The following PHF13 variants were observed in gnomAD, a reference collection of about 807,000 sequenced individuals.
PHF13 encodes PHD finger protein 13.
In PHF13, 1 loss-of-function variant was observed where a neutral mutation model predicts 25.8. That is an observed-to-expected ratio of 0.04 (90% CI 0.01 to 0.18). The LOEUF (loss-of-function observed/expected upper bound fraction) is 0.18. PHF13 is among the 10% of genes least tolerant of loss of function. PHF13 has a pLI of 1.00. For synonymous variants in PHF13, 195 were observed against 162.4 expected (o/e 1.20, Z -1.53); for missense variants, 306 against 403.2 (o/e 0.76, Z 2.06).
At chr1:6,614,172 GC>G in intron 1 of PHF13, 67 bp downstream of exon 1, 1 of 1,510,234 alleles carries the variant, frequency 6.6e-7, no homozygotes, top group South Asian at 1.2e-5. Flanking sequence ...TCCTCAGGCA[GC>G]CAGACCCCCG....
chr1:6,616,945 G>C (rs1641270278), intron 2 of PHF13, 87 bp downstream of exon 2: 1 of 1,149,194 alleles, frequency 8.7e-7, no homozygotes, highest in African/African-American at 1.5e-5. Context: ...TGACTGGTCA[G>C]AGGGTCAGTA....
intron 1 of PHF13, among the ~76,000 whole-genome samples, 169 bp from the exon 2 acceptor site, chr1:6,616,588 G>C (rs1241391127): frequency 6.6e-6 from 1 of 152,188 alleles, no homozygotes; most frequent in Admixed American, 6.5e-5. Flanking sequence ...TCTGAAAATA[G>C]TGTTATTTCT....
At position 6,620,008 on chromosome 1, in the gene PHF13, TGAAGAAGAA is replaced by T. The variant is rs761286943; in HGVS notation, c.356_364del (p.Lys119_Lys121del). 9 of 1,612,886 alleles carry T rather than the reference TGAAGAAGAA, an allele frequency of 5.6e-6. No homozygotes were observed. The highest frequency in any genetic ancestry group is 3.3e-5 in the Admixed American group (2 of 59,880). ...CTGGACAGAAAGAAAACGGACAAGC[TGAAGAAGAA>T]GAAGAAGAGGAAGCGCAGGGACAGT... On this transcript the variant is annotated inframe_deletion, in exon 3 of 4. Coordinates refer to ENST00000377648, the MANE Select transcript of PHF13 (RefSeq NM_153812.3).
chr1:6,614,038 C>T lies in PHF13; in HGVS notation c.-29C>T, dbSNP rs757190158. On this transcript the variant is annotated 5_prime_UTR_variant, in exon 1 of 4. Coordinates refer to ENST00000377648, the MANE Select transcript of PHF13 (RefSeq NM_153812.3). Reference sequence around the variant, plus strand: ...TCCAGCATCCCAGCTCCTGCACTCTCGCAGCCGCCGCCGCCCCCCGCCCGG... The same window carrying T: ...TCCAGCATCCCAGCTCCTGCACTCTTGCAGCCGCCGCCGCCCCCCGCCCGG... 15 of 1,579,560 alleles carry T rather than the reference C, an allele frequency of 9.5e-6. No individual in the cohort carries two copies. In the African/African-American group the frequency reaches 1.3e-4, roughly 13 times the overall value.
At chr1:6,620,366 T>G in intron 3 of PHF13, 29 bp downstream of exon 3, 18 of 1,592,196 alleles carry the variant, frequency 1.1e-5, no homozygotes, top group Non-Finnish European at 1.5e-5. Flanking sequence ...ATGATGACCC[T>G]TGTTGGCTTG....
At position 6,613,756 on chromosome 1, in the gene PHF13, A is replaced by C; in HGVS notation, c.-311A>C. On this transcript the variant is annotated 5_prime_UTR_variant, in exon 1 of 4. Coordinates refer to ENST00000377648, the MANE Select transcript of PHF13 (RefSeq NM_153812.3). Reference sequence around the variant, plus strand: ...GCCCTCCCTCCCGAGACACGAGCCGAACTGGGCGTCAGGTCGGGGAGCCGG... The same window carrying C: ...GCCCTCCCTCCCGAGACACGAGCCGCACTGGGCGTCAGGTCGGGGAGCCGG... 1 of 185,770 alleles carries C rather than the reference A, an allele frequency of 5.4e-6. No homozygotes were observed. Among genetic ancestry groups the C allele is most frequent in the Non-Finnish European group, 1.1e-5 (1 of 91,764 alleles). The allele number at this position is 185,770 out of a possible 1,614,324, so 11.5% of individuals were successfully genotyped here.
intron 1 of PHF13, 25 bp from the exon 2 acceptor site, chr1:6,616,732 A>T (rs781504091): frequency 1.3e-6 from 2 of 1,594,410 alleles, no homozygotes; most frequent in South Asian, 1.1e-5. Context: ...CTTCAAACAC[A>T]TTCCCTTTTC....
rs1340270001 is a variant in PHF13 at position 6,616,771 on chromosome 1, T to C, written c.54T>C (p.Ser18=). The C allele has an allele frequency of 1.2e-6, 2 of 1,614,074 alleles. No individual in the cohort carries two copies. Among genetic ancestry groups the C allele is most frequent in the Non-Finnish European group, 1.7e-6 (2 of 1,179,920 alleles). ...CCCCTTAATAGGAATACTCCCCCAG[T>C]TGCAAGAGGCGCAGGACCGTGGAAG... The part of the protein sequence containing the change: ...AAFHPEEYSP[S]CKRRRTVEDF... Residue 18 remains serine (S), a synonymous_variant, in exon 2 of 4, where the codon AGT becomes AGC. Transcript: ENST00000377648.
Position 6,613,925 on chromosome 1 carries a change from C to G in PHF13, c.-142C>G. On this transcript the variant is annotated 5_prime_UTR_variant, in exon 1 of 4. Transcript: ENST00000377648. ...GAGCTTGAGAAGCGACGCGCTGAGC[C>G]CCCCATCACCTCCAGCCCGGGCGAC... is the stretch of plus-strand genomic sequence containing the variant. 1 of 556,050 alleles carries G rather than the reference C, an allele frequency of 1.8e-6. No individual in the cohort carries two copies. 34.4% of individuals were successfully genotyped at this position (556,050 alleles called of 1,614,324 possible). A position where few individuals can be genotyped will look rare whatever the true frequency, so the allele number is the denominator to read the frequency against.
rs753929043 is a variant in PHF13 at position 6,619,795 on chromosome 1, C to G, written c.142-8C>G. The G allele has an allele frequency of 4.4e-5, 69 of 1,578,732 alleles. No individual in the cohort carries two copies. The highest frequency in any genetic ancestry group is 5.7e-5 in the Non-Finnish European group (66 of 1,160,984). On this transcript the variant is annotated splice_region_variant and splice_polypyrimidine_tract_variant and intron_variant, in intron 2 of 3. Transcript: ENST00000377648. Reference sequence around the variant, plus strand: ...AGTAACTGGAATCTGCCACCTTTGTCTTTTTAGGAACTCCCTTTAAGGAGC... The same window carrying G: ...AGTAACTGGAATCTGCCACCTTTGTGTTTTTAGGAACTCCCTTTAAGGAGC...
rs1309986952 is a variant in PHF13, at chr1:6,614,082, T to A, written c.16T>A (p.Cys6Ser). The A allele has an allele frequency of 6.3e-7, 1 of 1,595,776 alleles. No individual in the cohort carries two copies. Among genetic ancestry groups the A allele is most frequent in the Non-Finnish European group, 8.5e-7 (1 of 1,172,764 alleles). ...CGCCCGGAACATGGACTCTGACTCT[T>A]GCGCCGCCGCCTTCCACCCGGAGGT... MDSDS[C>S]AAAFHPEEYS... Residue 6 changes from cysteine (C) to serine (S), a missense_variant, in exon 1 of 4, where the codon TGC becomes AGC. Coordinates refer to ENST00000377648, the MANE Select transcript of PHF13 (RefSeq NM_153812.3).
chr1:6,614,848 C>T (rs1393095375), intron 1 of PHF13, among the ~76,000 whole-genome samples: 3 of 151,584 alleles, frequency 2.0e-5, no homozygotes, highest in East Asian at 1.9e-4. Flanking sequence ...CGCGCGGTCC[C>T]CTCCCCCCAG....
In PHF13 at chr1:6,620,009, G is replaced by A. The variant is rs1161721490; in HGVS notation, c.348G>A (p.Leu116=). The change falls in exon 3 of 4, where the codon CTG becomes CTA. Residue 116 remains leucine, a synonymous_variant. Coordinates refer to ENST00000377648, the MANE Select transcript of PHF13 (RefSeq NM_153812.3). ...TGGACAGAAAGAAAACGGACAAGCT[G>A]AAGAAGAAGAAGAAGAGGAAGCGCA... ...FLLDRKKTDK[L]KKKKKRKRRD... The A allele has an allele frequency of 6.2e-7, 1 of 1,607,670 alleles. No individual in the cohort carries two copies. Among genetic ancestry groups the A allele is most frequent in the Non-Finnish European group, 8.5e-7 (1 of 1,176,116 alleles).
intron 2 of PHF13, 136 bp downstream of exon 2, chr1:6,616,994 G>C: frequency 1.5e-6 from 1 of 661,592 alleles, no homozygotes; most frequent in Non-Finnish European, 2.7e-6. Flanking sequence ...CCAGTCACTA[G>C]TCTGGCAGAA....
intron 2 of PHF13, among the ~76,000 whole-genome samples, chr1:6,617,977 G>A (rs1232064714): frequency 6.6e-6 from 1 of 152,196 alleles, no homozygotes; most frequent in Admixed American, 6.5e-5. Flanking sequence ...CTGGCTGCCC[G>A]AAATGCGTAT....
chr1:6,621,087 AT>A lies in PHF13; in HGVS notation c.677-321del, dbSNP rs1641332461. On this transcript the variant is annotated intron_variant, in intron 3 of 3. Transcript: ENST00000377648. This position sits in a 1 kb window ranked among gnomAD's most constrained non-coding sequence, Gnocchi z 4.8. The stretch of plus-strand genomic sequence containing the variant: ...GTGGTGTGTGCCTGTAGTCCCAGCT[AT>A]TTGGGAGGCTGAGGTGGGAGGATGG... Among the ~76,000 whole-genome samples the A allele has an allele frequency of 6.7e-6, 1 of 150,034 alleles. No homozygotes were observed. Among genetic ancestry groups the A allele is most frequent in the South Asian group, 2.1e-4 (1 of 4,772 alleles).
At position 6,622,501 on chromosome 1, in the gene PHF13, C is replaced by T. The variant is rs2148711314; in HGVS notation, c.*864C>T. On this transcript the variant is annotated 3_prime_UTR_variant, in exon 4 of 4. Coordinates refer to ENST00000377648, the MANE Select transcript of PHF13 (RefSeq NM_153812.3). ...GGGAACTCATAGGTTCTGTCTTTGT[C>T]TCTTCCTTTCACCTCATTCTGGTAG... 1 of 152,768 alleles carries T rather than the reference C, an allele frequency of 6.5e-6. No homozygotes were observed. The highest frequency in any genetic ancestry group is 2.4e-5 in the African/African-American group (1 of 41,558). 9.5% of individuals were successfully genotyped at this position (152,768 alleles called of 1,614,324 possible). A position where few individuals can be genotyped will look rare whatever the true frequency, so the allele number is the denominator to read the frequency against.
At chr1:6,620,794 C>T (rs181544707) in intron 3 of PHF13, among the ~76,000 whole-genome samples, 7 of 151,124 alleles carry the variant, frequency 4.6e-5, no homozygotes, top group African/African-American at 1.7e-4. Context: ...CCGAGGCAGG[C>T]AGATCACGAG....
At position 6,620,141 on chromosome 1, in the gene PHF13, C is replaced by G; in HGVS notation, c.480C>G (p.Ile160Met). Residue 160 changes from isoleucine (I) to methionine (M), a missense_variant, in exon 3 of 4, where the codon ATC (isoleucine) becomes ATG (methionine). This residue lies in a region of PHF13 where 186 missense variants were observed against 164.0 expected (regional missense o/e 1.13). Coordinates refer to ENST00000377648, the MANE Select transcript of PHF13 (RefSeq NM_153812.3). Reference protein sequence around the residue: ...ETPTSPTLQDIPQAPSDPCSG... With the variant: ...ETPTSPTLQDMPQAPSDPCSG... The stretch of plus-strand genomic sequence containing the variant: ...CCACGAGTCCCACCTTGCAGGATAT[C>G]CCCCAGGCTCCCAGCGACCCCTGCT... The G allele has an allele frequency of 6.2e-7, 1 of 1,613,786 alleles. No individual in the cohort carries two copies. Among genetic ancestry groups the G allele is most frequent in the Non-Finnish European group, 8.5e-7 (1 of 1,180,030 alleles).
Sources: gnomAD v4.1 joint callset for allele counts (sites outside exome capture counted in the v4.1 genomes callset) on GRCh38, gnomAD v4.1.1 for gene constraint, gnomAD v4.1.1 regional missense constraint, Gnocchi (gnomAD v3.1) non-coding constraint, MANE v1.5 for transcripts, NCBI Gene and HGNC (gene_info 2026-07-23, HGNC 2026-07-21) for gene names.